LMTK2: variants seen among roughly 807,000 people sequenced by gnomAD.
LMTK2 encodes lemur tail kinase 2, also known as serine/threonine-protein kinase LMTK2.
In LMTK2, 37 loss-of-function variants were observed where a neutral mutation model predicts 127.5. The ratio of observed to expected loss-of-function variants is 0.29; its 90% confidence interval spans 0.22 to 0.38. The LOEUF is 0.38. Among genes scored for constraint, LMTK2 ranks in the 10% least tolerant of loss-of-function variants. The pLI, the probability that LMTK2 is intolerant of heterozygous loss-of-function variation, is 1.00. For synonymous variants in LMTK2, 819 were observed against 810.1 expected (o/e 1.01, Z -0.19); for missense variants, 1,694 against 1,920.3 (o/e 0.88, Z 2.20).
At chr7:98,138,605 G>A (rs944102034) in intron 2 of LMTK2, among the ~76,000 whole-genome samples, 1 of 152,136 alleles carries the variant, frequency 6.6e-6, no homozygotes, top group Non-Finnish European at 1.5e-5. Context: ...GCCTGCTGAC[G>A]GCACTAGTAG....
intron 7 of LMTK2, among the ~76,000 whole-genome samples, chr7:98,173,286 A>G (rs1797221697): frequency 6.6e-6 from 1 of 151,854 alleles, no homozygotes; most frequent in Non-Finnish European, 1.5e-5. Flanking sequence ...ACGATAGTAA[A>G]CAAATCATTC....
intron 3 of LMTK2, among the ~76,000 whole-genome samples, chr7:98,147,158 G>A (rs1289253663): frequency 6.6e-6 from 1 of 151,796 alleles, no homozygotes; most frequent in Non-Finnish European, 1.5e-5. Flanking sequence ...TTCTCTTGCT[G>A]CATTCGGGAT....
At chr7:98,198,215 G>T (rs1338492259) in intron 11 of LMTK2, among the ~76,000 whole-genome samples, 61 of 139,060 alleles carry the variant, frequency 4.4e-4, no homozygotes, top group African/African-American at 1.5e-3. Flanking sequence ...TTTTTTTTGA[G>T]ACGTCTCACT....
intron 1 of LMTK2, among the ~76,000 whole-genome samples, chr7:98,111,422 G>A (rs556311072): frequency 3.3e-5 from 5 of 152,238 alleles, no homozygotes; most frequent in African/African-American, 4.8e-5. Context: ...CAACTTTTTC[G>A]TTTAGTTGAG....
chr7:98,112,632 A>G (rs1796218619), intron 1 of LMTK2, among the ~76,000 whole-genome samples: 3 of 152,334 alleles, frequency 2.0e-5, no homozygotes, highest in African/African-American at 7.2e-5. Context: ...AGGCAGGTAC[A>G]GTGCCCAGTC....
intron 3 of LMTK2, among the ~76,000 whole-genome samples, chr7:98,149,604 A>G (rs1165363067): frequency 6.6e-6 from 1 of 152,198 alleles, no homozygotes; most frequent in Non-Finnish European, 1.5e-5. Context: ...ACCTTGCACC[A>G]TATGTAAAAA....
chr7:98,128,666 C>T (rs749728720), intron 1 of LMTK2, among the ~76,000 whole-genome samples: 1 of 152,152 alleles, frequency 6.6e-6, no homozygotes, highest in South Asian at 2.1e-4. Context: ...TGGCTCTGCC[C>T]GTGTGTGGGG....
intron 11 of LMTK2, among the ~76,000 whole-genome samples, chr7:98,202,432 G>A (rs955071256): frequency 5.3e-5 from 8 of 152,170 alleles, no homozygotes; most frequent in Non-Finnish European, 1.0e-4. Context: ...CCTGTTGATT[G>A]TCTTTTCCCA....
At chr7:98,155,108 A>G (rs1011356005) in intron 5 of LMTK2, among the ~76,000 whole-genome samples, 8 of 152,266 alleles carry the variant, frequency 5.3e-5, no homozygotes, top group Admixed American at 3.3e-4. Flanking sequence ...GATGACAGAG[A>G]TGTTAGAATT....
Position 98,192,925 on chromosome 7 carries a change from C to A in LMTK2, c.2460C>A (p.Phe820Leu). Residue 820 changes from phenylalanine to leucine, a missense_variant, in exon 11 of 14, where the codon TTC becomes TTA. Phe to Leu is a conservative substitution (Grantham distance 22). Coordinates refer to ENST00000297293, the MANE Select transcript of LMTK2 (RefSeq NM_014916.4). ...AAGTGCAGGTACCTCCTACCTCCTT[C>A]GAAACAGAAGAAACGCCCCGTCGGG... ...SPEVQVPPTS[F>L]ETEETPRRVP... The A allele has an allele frequency of 6.2e-7, 1 of 1,614,106 alleles. No individual in the cohort carries two copies. Among genetic ancestry groups the A allele is most frequent in the South Asian group, 1.1e-5 (1 of 91,084 alleles).
chr7:98,125,035 G>C (rs1027323906), intron 1 of LMTK2, among the ~76,000 whole-genome samples: 3 of 150,738 alleles, frequency 2.0e-5, no homozygotes, highest in African/African-American at 7.3e-5. Context: ...CTAGGCGCAT[G>C]GCTCACGCCT....
intron 1 of LMTK2, among the ~76,000 whole-genome samples, chr7:98,126,243 C>T (rs1228254612): frequency 3.3e-5 from 5 of 152,186 alleles, no homozygotes; most frequent in African/African-American, 4.8e-5. Flanking sequence ...GAATCTAGTA[C>T]TGCCATTGAC....
In LMTK2 at chr7:98,190,843, A is replaced by C. The variant is rs755220773; in HGVS notation, c.1114A>C (p.Lys372Gln). ...VIRERDTKLPKPQLEQPYSDR... is the reference protein window; with the variant it reads ...VIRERDTKLPQPQLEQPYSDR... ...TAGAGAGAGAGACACAAAACTCCCG[A>C]AGCCCCAGCTGGAGCAGCCCTACTC... The change falls in exon 10 of 14, where the codon AAG (lysine) becomes CAG (glutamine). Residue 372 changes from lysine to glutamine, a missense_variant. Around this residue, in one of 8 missense-constraint regions of LMTK2, gnomAD observed 216 missense variants for 266.8 expected, o/e 0.81. Coordinates refer to ENST00000297293, the MANE Select transcript of LMTK2 (RefSeq NM_014916.4). 1.8e-5 allele frequency: 29 copies of C among 1,614,048 alleles called. No individual in the cohort carries two copies. The highest frequency in any genetic ancestry group is 2.5e-5 in the Non-Finnish European group (29 of 1,180,036).
rs1797413988 is a variant in LMTK2 at position 98,185,099 on chromosome 7, A to G, written c.840A>G (p.Lys280=). 2.5e-6 allele frequency: 4 copies of G among 1,612,804 alleles called. No homozygotes were observed. Among genetic ancestry groups the G allele is most frequent in the Non-Finnish European group, 3.4e-6 (4 of 1,178,934 alleles). The change falls in exon 8 of 14, where the codon AAA becomes AAG. Residue 280 remains lysine, a synonymous_variant. Transcript: ENST00000297293. ...NCFLTSDLNV[K]VGDYGIGFSR... is the part of the protein sequence containing the mutation. Reference sequence around the variant, plus strand: ...TTCTCACCTCCGACTTAAATGTGAAAGTGGGAGATTACGGAATAGGATTCA... The same window carrying G: ...TTCTCACCTCCGACTTAAATGTGAAGGTGGGAGATTACGGAATAGGATTCA...
chr7:98,153,485 G>A (rs910476316), intron 4 of LMTK2, among the ~76,000 whole-genome samples: 2 of 152,228 alleles, frequency 1.3e-5, no homozygotes, highest in African/African-American at 4.8e-5. Flanking sequence ...TGTTCAGGGG[G>A]AAATGGTGAT....
chr7:98,173,043 C>T (rs781034850), intron 7 of LMTK2, among the ~76,000 whole-genome samples: 1 of 152,190 alleles, frequency 6.6e-6, no homozygotes, highest in Non-Finnish European at 1.5e-5. Flanking sequence ...CAGGTGTGAG[C>T]CACTGTGCCT....
intron 7 of LMTK2, among the ~76,000 whole-genome samples, chr7:98,179,597 CTCTCCCTCCCTCCCTT>C (rs1797324061): frequency 2.0e-5 from 3 of 147,442 alleles, no homozygotes; most frequent in Non-Finnish European, 3.0e-5. Flanking sequence ...CTCCTTCCCT[CTCTCCCTCCCTCCCTT>C]TCTCCCTCCC....
intron 11 of LMTK2, among the ~76,000 whole-genome samples, chr7:98,200,293 C>G (rs11534031): frequency 0.058 from 8,812 of 152,214 alleles, 657 homozygotes; most frequent in East Asian, 0.36. Context: ...CTGATAACTC[C>G]TCAGACAGTG....
chr7:98,115,918 G>A lies in LMTK2; in HGVS notation c.103+8638G>A, dbSNP rs556542140. On this transcript the variant is annotated intron_variant, in intron 1 of 13. Transcript: ENST00000297293. ...TTGTTTGTTTAAGAGACAAAGTCTT[G>A]CTCTGTTGCCCAGGCTGGAGTGCAG... 3.3e-5 allele frequency among the ~76,000 whole-genome samples: 5 copies of A among 152,236 alleles called. No individual in the cohort carries two copies. In the East Asian group the frequency reaches 9.6e-4, roughly 29 times the overall value.
Sources: allele counts gnomAD v4.1 joint callset (sites outside exome capture counted in the v4.1 genomes callset), GRCh38; gene constraint gnomAD v4.1.1; regional missense constraint gnomAD v4.1.1; transcripts MANE v1.5; gene names NCBI Gene and HGNC (gene_info 2026-07-23, HGNC 2026-07-21).